LYRM4: variants seen among roughly 807,000 people sequenced by gnomAD.
LYRM4 encodes the protein LYR motif-containing protein 4.
LYRM4 carries 9 observed loss-of-function variants against 11.7 expected under a neutral mutation model. The ratio of observed to expected loss-of-function variants is 0.77; its 90% CI spans 0.46 to 1.34. The LOEUF (loss-of-function observed/expected upper bound fraction) is 1.34, where lower values mean the gene tolerates loss of function less well. Among genes scored for constraint, LYRM4 ranks in the 40% most tolerant of loss-of-function variants. The pLI, the probability that LYRM4 is intolerant of heterozygous loss-of-function variation, is 0.00. For synonymous variants in LYRM4, 42 were observed against 40.4 expected (o/e 1.04, Z -0.15); for missense variants, 133 against 112.5 (o/e 1.18, Z -0.82).
At chr6:5,213,030 A>G (rs994780284) in intron 2 of LYRM4, among the ~76,000 whole-genome samples, 4 of 152,236 alleles carry the variant, frequency 2.6e-5, no homozygotes, top group African/African-American at 9.6e-5. Flanking sequence ...CATTAAGGAC[A>G]TAAAGGAAGA....
chr6:5,086,906 G>GC, the LYRM4 span: 1 of 346,734 alleles, frequency 2.9e-6, no homozygotes, highest in Non-Finnish European at 5.2e-6. Context: ...CAACTCCCGG[G>GC]CATGGTTCTA....
the LYRM4 span, chr6:5,066,450 AT>A: frequency 4.4e-5 from 33 of 757,172 alleles, no homozygotes; most frequent in African/African-American, 8.6e-5. Context: ...AACTGCTTCT[AT>A]TCCCAAATTC....
At chr6:5,098,735 C>T (rs1408029968), downstream of LYRM4, among the ~76,000 whole-genome samples, 1 of 152,194 alleles carries the variant, frequency 6.6e-6, no homozygotes, top group East Asian at 1.9e-4. Context: ...CCGAGGCACA[C>T]ACCCATCAGT....
At chr6:5,220,684 A>C (rs1762529435) in intron 1 of LYRM4, among the ~76,000 whole-genome samples, 1 of 152,060 alleles carries the variant, frequency 6.6e-6, no homozygotes, top group Non-Finnish European at 1.5e-5. Context: ...TCACTGATTC[A>C]CCCTTATGCA....
chr6:5,090,144 C>A, the LYRM4 span, among the ~76,000 whole-genome samples: 1 of 152,084 alleles, frequency 6.6e-6, no homozygotes, highest in African/African-American at 2.4e-5. This position sits in a 1 kb window ranked among gnomAD's most constrained non-coding sequence, Gnocchi z 4.8. Flanking sequence ...CTTAAAAATG[C>A]AATAACTTTA....
At chr6:5,129,004 C>T (rs971115758) in intron 2 of LYRM4, among the ~76,000 whole-genome samples, 1 of 152,204 alleles carries the variant, frequency 6.6e-6, no homozygotes, top group African/African-American at 2.4e-5. Context: ...ACTGCTCAAT[C>T]CCCCAAAGGA....
chr6:5,136,235 C>T (rs1278364296), intron 2 of LYRM4: 14 of 963,044 alleles, frequency 1.5e-5, no homozygotes, highest in Non-Finnish European at 1.6e-5. Flanking sequence ...GCTTTCAGTT[C>T]TCTGGGGTAT....
At chr6:5,171,090 T>A (rs894745588) in intron 2 of LYRM4, among the ~76,000 whole-genome samples, 2 of 152,252 alleles carry the variant, frequency 1.3e-5, no homozygotes, top group African/African-American at 4.8e-5. Flanking sequence ...TATTTATCTA[T>A]CTGTGGAATA....
At chr6:5,090,024 A>ACACACG in the LYRM4 span, among the ~76,000 whole-genome samples, 5 of 151,836 alleles carry the variant, frequency 3.3e-5, no homozygotes, top group Non-Finnish European at 7.4e-5. The surrounding 1 kb of genome is among the most constrained non-coding windows in gnomAD (Gnocchi z 4.8). Context: ...AGACACACAC[A>ACACACG]CACACACACA....
chr6:5,146,579 A>G (rs1757738156), intron 2 of LYRM4, among the ~76,000 whole-genome samples: 1 of 151,932 alleles, frequency 6.6e-6, no homozygotes, highest in South Asian at 2.1e-4. Context: ...CACAGCCCCA[A>G]TTTCCCCCTG....
Position 5,228,948 on chromosome 6 carries a change from G to A in LYRM4, c.87-12210C>T, listed in dbSNP as rs142603767. Among the ~76,000 whole-genome samples, 1,185 of 141,988 alleles carry A rather than the reference G, an allele frequency of 8.3e-3. 6 individuals carry two copies. Among genetic ancestry groups the A allele is most frequent in the Middle Eastern group, 0.05 (13 of 258 alleles). 93.1% of individuals were successfully genotyped at this position (141,988 alleles called of 152,430 possible). A position where few individuals can be genotyped will look rare whatever the true frequency, so the allele number is the denominator to read the frequency against. The stretch of plus-strand genomic sequence containing the variant: ...GAACCCGGGAGACAGAGCTTGCAGC[G>A]AGCCAAGATCACGCCACTGCACTCC... On this transcript the variant is annotated intron_variant, in intron 1 of 2. Transcript: ENST00000330636.
chr6:5,085,795 C>T, the LYRM4 span: 3 of 1,529,806 alleles, frequency 2.0e-6, no homozygotes, highest in Non-Finnish European at 2.6e-6. Context: ...GCAGCAGCAG[C>T]AACAGGCGGT....
At chr6:5,154,200 G>T (rs1302267070) in intron 2 of LYRM4, among the ~76,000 whole-genome samples, 1 of 152,038 alleles carries the variant, frequency 6.6e-6, no homozygotes, top group East Asian at 1.9e-4. Context: ...CAGAAACATT[G>T]ATTTCATTCC....
intron 2 of LYRM4, among the ~76,000 whole-genome samples, chr6:5,114,511 G>A (rs1179396003): frequency 1.3e-5 from 2 of 152,174 alleles, no homozygotes. Flanking sequence ...TCTGTGCCCC[G>A]TGGCAAGTGG....
chr6:5,051,737 AAAG>A, the LYRM4 span, among the ~76,000 whole-genome samples: 2 of 152,092 alleles, frequency 1.3e-5, no homozygotes, highest in Non-Finnish European at 2.9e-5. Context: ...TTTAATGAAA[AAAG>A]AAGTTTATTT....
At chr6:5,093,399 G>A in the LYRM4 span, among the ~76,000 whole-genome samples, 4 of 152,362 alleles carry the variant, frequency 2.6e-5, no homozygotes, top group African/African-American at 4.8e-5. Context: ...GGGATGGAAC[G>A]CCTGCCTTGG....
the LYRM4 span, among the ~76,000 whole-genome samples, chr6:5,038,415 C>A: frequency 1.5e-5 from 1 of 67,452 alleles, no homozygotes; most frequent in Non-Finnish European, 3.5e-5. Flanking sequence ...GGCAGCCAGG[C>A]AGAGAGGCTC....
intron 2 of LYRM4, among the ~76,000 whole-genome samples, chr6:5,159,708 T>C (rs1040406798): frequency 6.6e-6 from 1 of 152,206 alleles, no homozygotes; most frequent in Non-Finnish European, 1.5e-5. Flanking sequence ...AATTCATACC[T>C]ATCTTTTACA....
chr6:5,138,916 T>C (rs1757258704), intron 2 of LYRM4, among the ~76,000 whole-genome samples: 1 of 152,230 alleles, frequency 6.6e-6, no homozygotes, highest in Admixed American at 6.5e-5. Flanking sequence ...GGTTAATACT[T>C]TGAAGTCTTA....
Sources: allele counts gnomAD v4.1 joint callset (sites outside exome capture counted in the v4.1 genomes callset), GRCh38; gene constraint gnomAD v4.1.1; non-coding constraint Gnocchi (gnomAD v3.1); transcripts MANE v1.5; gene names NCBI Gene and HGNC (gene_info 2026-07-23, HGNC 2026-07-21).